The following ZFAND4 variants were observed in gnomAD, a reference collection of about 807,000 sequenced individuals.
ZFAND4 encodes the protein zinc finger AN1-type containing 4.
In ZFAND4, 43 loss-of-function variants were observed where a neutral mutation model predicts 64.4. That is an observed-to-expected ratio of 0.67 (90% confidence interval 0.52 to 0.86). The LOEUF (loss-of-function observed/expected upper bound fraction) is 0.86. ZFAND4 is among the 40% of genes least tolerant of loss of function. The pLI is 0.00. For synonymous variants in ZFAND4, 296 were observed against 305.7 expected (o/e 0.97, Z 0.33); for missense variants, 929 against 859.8 (o/e 1.08, Z -1.01).
At chr10:45,623,324 T>G (rs890640479) in intron 8 of ZFAND4, among the ~76,000 whole-genome samples, 1 of 152,236 alleles carries the variant, frequency 6.6e-6, no homozygotes, top group African/African-American at 2.4e-5. Flanking sequence ...GCACCCATGT[T>G]CACAGCACCA....
rs1220133620 is a variant in ZFAND4 at position 45,648,312 on chromosome 10, T to G, written c.551A>C (p.Lys184Thr). 1.2e-6 allele frequency: 2 copies of G among 1,611,390 alleles called. No individual in the cohort carries two copies. The highest frequency in any genetic ancestry group is 1.7e-5 in the Admixed American group (1 of 59,584). ...GGAGTACCTCATACGATGTTCTCCTTTTCTCCGTAGGACATGCAAATGAAA... is the reference window on the plus strand; with the variant it reads ...GGAGTACCTCATACGATGTTCTCCTGTTCTCCGTAGGACATGCAAATGAAA... ...IDFHLHVLRR[K>T]GEHRMSGGSM... Residue 184 changes from lysine to threonine, a missense_variant, in exon 5 of 10, where the codon AAA (lysine) becomes ACA (threonine). Transcript: ENST00000344646.
At chr10:45,620,533 A>G (rs973271655) in intron 8 of ZFAND4, among the ~76,000 whole-genome samples, 1 of 152,214 alleles carries the variant, frequency 6.6e-6, no homozygotes, top group Non-Finnish European at 1.5e-5. Context: ...TACATTAGTG[A>G]CAGTAATGAG....
At chr10:45,664,806 C>T (rs2048704828) in intron 1 of ZFAND4, among the ~76,000 whole-genome samples, 1 of 151,982 alleles carries the variant, frequency 6.6e-6, no homozygotes, top group African/African-American at 2.4e-5. Context: ...CGGTGTCTGC[C>T]TGTAGTCCCA....
chr10:45,626,271 A>G lies in ZFAND4; in HGVS notation c.1552T>C (p.Ser518Pro). The change falls in exon 7 of 10, where the codon TCT becomes CCT. Residue 518 changes from serine to proline, a missense_variant. Physicochemically the swap from Ser to Pro is moderately conservative, Grantham distance 74. Coordinates refer to ENST00000344646, the MANE Select transcript of ZFAND4 (RefSeq NM_174890.4). ...AAGCAAGTAGTCCTAGAGAAAGAAGAATCAGTTATGTTTTGAACATCCAGT... is the reference window on the plus strand; with the variant it reads ...AAGCAAGTAGTCCTAGAGAAAGAAGGATCAGTTATGTTTTGAACATCCAGT... ...QSLDVQNITDSSFSRTTCFQG... is the reference protein window; with the variant it reads ...QSLDVQNITDPSFSRTTCFQG... 4 of 1,614,190 alleles carry G rather than the reference A, an allele frequency of 2.5e-6. No individual in the cohort carries two copies. Among genetic ancestry groups the G allele is most frequent in the Non-Finnish European group, 3.4e-6 (4 of 1,180,026 alleles).
intron 6 of ZFAND4, among the ~76,000 whole-genome samples, chr10:45,637,201 C>T (rs934477483): frequency 6.6e-6 from 1 of 151,690 alleles, no homozygotes; most frequent in Admixed American, 6.6e-5. Flanking sequence ...AATAGCCGGG[C>T]ATGGTGGCAC....
In ZFAND4 at chr10:45,616,379, T is replaced by C. The variant is rs2044940052; in HGVS notation, c.*57A>G. ...AACAAAAATAATAGTCTAAACAACA[T>C]TTCTTCTGTCATTATAATACGAATC... is the stretch of plus-strand genomic sequence containing the variant. On this transcript the variant is annotated 3_prime_UTR_variant, in exon 10 of 10. Transcript: ENST00000344646. 7 of 1,589,346 alleles carry C rather than the reference T, an allele frequency of 4.4e-6. No individual in the cohort carries two copies. In the African/African-American group the frequency reaches 5.4e-5, roughly 12 times the overall value.
At chr10:45,630,961 T>TAAA (rs1378126279) in intron 6 of ZFAND4, among the ~76,000 whole-genome samples, 1 of 123,630 alleles carries the variant, frequency 8.1e-6, no homozygotes, top group African/African-American at 3.0e-5. Context: ...ACCCTGTCTT[T>TAAA]AAAAAAAAAA....
chr10:45,648,265 C>A, intron 5 of ZFAND4, 29 bp downstream of exon 5: 1 of 1,449,788 alleles, frequency 6.9e-7, no homozygotes, highest in Non-Finnish European at 9.3e-7. Context: ...ATTTTGACAA[C>A]ACAAGGTAAA....
At position 45,635,213 on chromosome 10, in the gene ZFAND4, AC is replaced by A. The variant is rs372805474; in HGVS notation, c.717+4602del. Among the ~76,000 whole-genome samples the A allele has an allele frequency of 4.1e-3, 586 of 141,508 alleles. 23 individuals carry two copies. The highest frequency in any genetic ancestry group is 0.014 in the African/African-American group (507 of 36,474). 92.8% of individuals were successfully genotyped at this position (141,508 alleles called of 152,430 possible). ...ATCTAAGCAAAAAAAAAAAAAAAAA[AC>A]AAAAAAAAAACAAACAAAAAAAAAC... On this transcript the variant is annotated intron_variant, in intron 6 of 9. Coordinates refer to ENST00000344646, the MANE Select transcript of ZFAND4 (RefSeq NM_174890.4).
At position 45,624,629 on chromosome 10, in the gene ZFAND4, A is replaced by G; in HGVS notation, c.1881T>C (p.His627=). 1.2e-6 allele frequency: 2 copies of G among 1,613,680 alleles called. No individual in the cohort carries two copies. The highest frequency in any genetic ancestry group is 1.7e-6 in the Non-Finnish European group (2 of 1,179,750). The change falls in exon 8 of 10, where the codon CAT becomes CAC. Residue 627 remains histidine (H), a synonymous_variant. Coordinates refer to ENST00000344646, the MANE Select transcript of ZFAND4 (RefSeq NM_174890.4). ...CATTATTTCCATTCATTCCAACACCATGGGTAGACTACAATTAAAACACAA... is the reference window on the plus strand; with the variant it reads ...CATTATTTCCATTCATTCCAACACCGTGGGTAGACTACAATTAAAACACAA... The part of the protein sequence containing the change: ...LEHTGVFLST[H]GVGMNGNNAA...
chr10:45,624,991 A>T (rs896944623), intron 7 of ZFAND4, among the ~76,000 whole-genome samples: 2 of 152,032 alleles, frequency 1.3e-5, no homozygotes, highest in African/African-American at 4.8e-5. Context: ...AGCCTGGGCA[A>T]CATGGTGAAA....
chr10:45,621,092 C>T (rs1484538623), intron 8 of ZFAND4, among the ~76,000 whole-genome samples: 1 of 152,128 alleles, frequency 6.6e-6, no homozygotes, highest in Non-Finnish European at 1.5e-5. Flanking sequence ...AGAAAGGCAG[C>T]AAAAAGTAAT....
At chr10:45,653,345 C>T (rs953474474) in intron 2 of ZFAND4, among the ~76,000 whole-genome samples, 13 of 152,260 alleles carry the variant, frequency 8.5e-5, no homozygotes, top group African/African-American at 2.9e-4. Context: ...AGATATCATG[C>T]TCCTGCACAG....
intron 2 of ZFAND4, among the ~76,000 whole-genome samples, chr10:45,654,739 C>G (rs1470010982): frequency 6.6e-6 from 1 of 151,452 alleles, no homozygotes; most frequent in Non-Finnish European, 1.5e-5. Flanking sequence ...TTTAAAGCAA[C>G]AATATTACAA....
chr10:45,627,218 C>G, intron 6 of ZFAND4, 113 bp from the exon 7 acceptor site: 1 of 746,070 alleles, frequency 1.3e-6, no homozygotes, highest in Non-Finnish European at 2.0e-6. Flanking sequence ...TTTTTACTAT[C>G]TCAATTTAAA....
intron 2 of ZFAND4, among the ~76,000 whole-genome samples, chr10:45,662,193 A>G (rs1318976115): frequency 6.6e-6 from 1 of 152,222 alleles, no homozygotes; most frequent in Non-Finnish European, 1.5e-5. Context: ...GTATTTGTTC[A>G]TAAACATTTA....
intron 2 of ZFAND4, among the ~76,000 whole-genome samples, chr10:45,659,854 G>A (rs1166039649): frequency 6.6e-6 from 1 of 152,158 alleles, no homozygotes; most frequent in Non-Finnish European, 1.5e-5. Context: ...TCTGCAGACT[G>A]GATCTGGAAA....
At chr10:45,625,695 T>G (rs1378589792) in intron 7 of ZFAND4, among the ~76,000 whole-genome samples, 1 of 151,904 alleles carries the variant, frequency 6.6e-6, no homozygotes, top group Non-Finnish European at 1.5e-5. Flanking sequence ...GTTTGAGGAG[T>G]ACAACATATA....
chr10:45,616,224 G>A lies in ZFAND4; in HGVS notation c.*212C>T. The A allele has an allele frequency of 1.8e-6, 1 of 570,188 alleles. No homozygotes were observed. The highest frequency in any genetic ancestry group is 2.9e-6 in the Non-Finnish European group (1 of 344,366). The allele number at this position is 570,188 out of a possible 1,614,324, so 35.3% of individuals were successfully genotyped here. A position where few individuals can be genotyped will look rare whatever the true frequency, so the allele number is the denominator to read the frequency against. On this transcript the variant is annotated 3_prime_UTR_variant, in exon 10 of 10. Transcript: ENST00000344646. ...AATAACAAAGCTAAATCATTCCAGT[G>A]TAAAGTTGTTAAAACTACTTTTAAA...
Sources: allele counts gnomAD v4.1 joint callset (sites outside exome capture counted in the v4.1 genomes callset), GRCh38; gene constraint gnomAD v4.1.1; transcripts MANE v1.5; gene names NCBI Gene and HGNC (gene_info 2026-07-23, HGNC 2026-07-21).